The following ATP8A1 variants were observed in gnomAD, a reference collection of about 807,000 sequenced individuals.
ATP8A1 encodes the protein ATPase phospholipid transporting 8A1, also known as phospholipid-transporting ATPase IA.
ATP8A1 carries 90 observed loss-of-function variants against 177.7 expected under a neutral mutation model. The observed-to-expected ratio is 0.51, with a 90% CI of 0.43 to 0.60. The LOEUF (loss-of-function observed/expected upper bound fraction) is 0.60, where lower values mean the gene tolerates loss of function less well. Among genes scored for constraint, ATP8A1 ranks in the 20% least tolerant of loss-of-function variants. The probability of loss-of-function intolerance (pLI) is 0.00; values close to 1 mark genes in which losing one functional copy is unlikely to be tolerated. For synonymous variants in ATP8A1, 493 were observed against 485.9 expected, an observed-to-expected ratio of 1.01 and a Z score of -0.19; for missense variants, 1,072 against 1,392.8, an observed-to-expected ratio of 0.77 and a Z score of 3.67.
intron 24 of ATP8A1, among the ~76,000 whole-genome samples, chr4:42,496,251 A>G (rs1449263496): frequency 6.6e-6 from 1 of 152,186 alleles, no homozygotes; most frequent in Non-Finnish European, 1.5e-5. Context: ...AATCCAGGGA[A>G]AGGAAGGAAG....
At chr4:42,584,633 A>G (rs1278210783) in intron 9 of ATP8A1, among the ~76,000 whole-genome samples, 2 of 152,136 alleles carry the variant, frequency 1.3e-5, no homozygotes, top group Admixed American at 6.5e-5. Context: ...CTTTCCCAAC[A>G]TAACGTTGGA....
At chr4:42,646,177 C>T (rs1326848040) in intron 1 of ATP8A1, among the ~76,000 whole-genome samples, 1 of 152,118 alleles carries the variant, frequency 6.6e-6, no homozygotes, top group Non-Finnish European at 1.5e-5. Flanking sequence ...GTAGGCCTGG[C>T]GTGGCATCAA....
chr4:42,557,438 A>C (rs1730356387), intron 15 of ATP8A1, among the ~76,000 whole-genome samples: 1 of 152,242 alleles, frequency 6.6e-6, no homozygotes. Context: ...CTTGTTAAAC[A>C]AATGTCAAGG....
At chr4:42,539,807 G>A (rs1341393214) in intron 20 of ATP8A1, among the ~76,000 whole-genome samples, 1 of 151,828 alleles carries the variant, frequency 6.6e-6, no homozygotes, top group African/African-American at 2.4e-5. Flanking sequence ...AAATCAAAAT[G>A]GATTAAAAAC....
At chr4:42,429,378 AGTGTT>A (rs1371968613) in intron 33 of ATP8A1, among the ~76,000 whole-genome samples, 1 of 149,140 alleles carries the variant, frequency 6.7e-6, no homozygotes, top group Non-Finnish European at 1.5e-5. Flanking sequence ...TGGAAATAAA[AGTGTT>A]TTGTTTTTTT....
chr4:42,449,622 AAAC>A (rs1717719973), intron 30 of ATP8A1, among the ~76,000 whole-genome samples: 2 of 152,386 alleles, frequency 1.3e-5, no homozygotes, highest in East Asian at 1.9e-4. Flanking sequence ...AAACAAGGCG[AAAC>A]AACAACTACA....
chr4:42,443,879 G>C (rs919978183), intron 32 of ATP8A1, among the ~76,000 whole-genome samples: 2 of 152,140 alleles, frequency 1.3e-5, no homozygotes, highest in Admixed American at 1.3e-4. Flanking sequence ...TTGTGGTACT[G>C]GAATTTCGAA....
At position 42,546,577 on chromosome 4, in the gene ATP8A1, A is replaced by AT. The variant is rs536470420; in HGVS notation, c.1652+2435dup. Among the ~76,000 whole-genome samples the AT allele has an allele frequency of 5.4e-4, 72 of 134,340 alleles. 2 individuals are homozygous for AT. The East Asian group carries it at 0.014, about 26-fold the overall frequency. 88.1% of individuals were successfully genotyped at this position (134,340 alleles called of 152,430 possible). On this transcript the variant is annotated intron_variant, in intron 19 of 36. Transcript: ENST00000381668. ...GCACCTGTACCCTAAAACTTAAAGT[A>AT]TAATAAAAAAAAAAAAAACAAAAAA...
intron 6 of ATP8A1, among the ~76,000 whole-genome samples, chr4:42,594,579 T>C (rs571605825): frequency 6.6e-6 from 1 of 152,264 alleles, no homozygotes; most frequent in South Asian, 2.1e-4. Context: ...ATATAACTTA[T>C]CTTGATAAAA....
intron 1 of ATP8A1, among the ~76,000 whole-genome samples, chr4:42,653,291 T>G (rs981266380): frequency 6.8e-5 from 4 of 59,012 alleles, no homozygotes; most frequent in Admixed American, 3.1e-4. Context: ...CTCTTCATTT[T>G]CCCCATTTGC....
chr4:42,628,925 T>C (rs1323770362), intron 1 of ATP8A1, among the ~76,000 whole-genome samples: 1 of 152,210 alleles, frequency 6.6e-6, no homozygotes, highest in East Asian at 1.9e-4. Context: ...CTTTATGTAA[T>C]GGGACTTTTG....
chr4:42,640,851 C>T (rs930773202), intron 1 of ATP8A1, among the ~76,000 whole-genome samples: 74 of 152,134 alleles, frequency 4.9e-4, no homozygotes, highest in African/African-American at 1.6e-3. Flanking sequence ...CCAGTCAGAT[C>T]CCTTTTAGAG....
intron 8 of ATP8A1, among the ~76,000 whole-genome samples, 172 bp downstream of exon 8, chr4:42,588,088 A>G (rs1310603421): frequency 1.3e-5 from 2 of 152,220 alleles, no homozygotes; most frequent in African/African-American, 4.8e-5. Context: ...AATACATCAG[A>G]ATCTTCCATA....
intron 4 of ATP8A1, among the ~76,000 whole-genome samples, chr4:42,622,365 G>A (rs893366504): frequency 6.6e-6 from 1 of 151,802 alleles, no homozygotes; most frequent in Non-Finnish European, 1.5e-5. Context: ...CTGGGCAACA[G>A]AGTGATAATC....
intron 27 of ATP8A1, among the ~76,000 whole-genome samples, chr4:42,457,464 CA>C (rs1718607781): frequency 6.6e-6 from 1 of 152,182 alleles, no homozygotes; most frequent in African/African-American, 2.4e-5. Flanking sequence ...TAAGGAATTT[CA>C]AAACAAACTT....
intron 20 of ATP8A1, among the ~76,000 whole-genome samples, chr4:42,538,293 A>G (rs1279845981): frequency 6.6e-6 from 1 of 152,214 alleles, no homozygotes; most frequent in Non-Finnish European, 1.5e-5. Flanking sequence ...ACTTAAATCT[A>G]AGACCTGAAA....
chr4:42,507,788 A>C (rs796922348), intron 22 of ATP8A1, among the ~76,000 whole-genome samples: 57 of 130,844 alleles, frequency 4.4e-4, no homozygotes, highest in African/African-American at 1.5e-3. Flanking sequence ...TCTAAAAAAA[A>C]AAAAAAAAAA....
At chr4:42,602,953 T>C (rs1390943574) in intron 5 of ATP8A1, among the ~76,000 whole-genome samples, 1 of 152,104 alleles carries the variant, frequency 6.6e-6, no homozygotes, top group Non-Finnish European at 1.5e-5. Flanking sequence ...TAAGTTTGCA[T>C]TAATTTAGGA....
chr4:42,533,264 C>T (rs1727462741), intron 20 of ATP8A1, among the ~76,000 whole-genome samples: 2 of 152,132 alleles, frequency 1.3e-5, no homozygotes, highest in Non-Finnish European at 2.9e-5. Flanking sequence ...GTTCTCAGCC[C>T]TGCTCACTGG....
Sources: allele counts gnomAD v4.1 joint callset (sites outside exome capture counted in the v4.1 genomes callset), GRCh38; gene constraint gnomAD v4.1.1; transcripts MANE v1.5; gene names NCBI Gene and HGNC (gene_info 2026-07-23, HGNC 2026-07-21).